Variants in CA10 observed in about 807,000 individuals in gnomAD.
CA10 encodes carbonic anhydrase 10 (inactive).
CA10 carries 14 observed loss-of-function variants against 44.2 expected under a neutral mutation model. The observed-to-expected ratio is 0.32, with a 90% CI of 0.21 to 0.50. The LOEUF (loss-of-function observed/expected upper bound fraction) is 0.50. Ranked by LOEUF, CA10 falls within the 20% of genes least tolerant of loss-of-function variation. The probability of loss-of-function intolerance (pLI) is 0.99; values close to 1 mark genes in which losing one functional copy is unlikely to be tolerated. For synonymous variants in CA10, 159 were observed against 141.6 expected (o/e 1.12, Z -0.87); for missense variants, 350 against 409.7 (o/e 0.85, Z 1.26).
intron 4 of CA10, among the ~76,000 whole-genome samples, chr17:51,681,208 G>A (rs1463636294): frequency 6.6e-6 from 1 of 152,182 alleles, no homozygotes; most frequent in Non-Finnish European, 1.5e-5. Flanking sequence ...TGCAAAATGG[G>A]TATGGTAATA....
At chr17:51,789,268 G>A (rs1355074091) in intron 3 of CA10, among the ~76,000 whole-genome samples, 1 of 151,296 alleles carries the variant, frequency 6.6e-6, no homozygotes, top group Non-Finnish European at 1.5e-5. Context: ...CACCCACGCT[G>A]GCCTCCCACA....
chr17:51,665,047 A>G (rs1031980095), intron 4 of CA10, among the ~76,000 whole-genome samples: 1 of 152,192 alleles, frequency 6.6e-6, no homozygotes, highest in African/African-American at 2.4e-5. Context: ...CAGAAGAGTC[A>G]CTTTAGGTGG....
chr17:51,912,727 A>C (rs994924776), intron 3 of CA10, among the ~76,000 whole-genome samples: 2 of 152,312 alleles, frequency 1.3e-5, no homozygotes, highest in East Asian at 1.9e-4. Context: ...TCAGAGGAAA[A>C]CATTTTCCTG....
At chr17:51,770,396 CA>C (rs1188463481) in intron 3 of CA10, among the ~76,000 whole-genome samples, 1 of 151,864 alleles carries the variant, frequency 6.6e-6, no homozygotes, top group Admixed American at 6.6e-5. Context: ...TAAGGAGACA[CA>C]AACCCTCCCC....
intron 2 of CA10, among the ~76,000 whole-genome samples, chr17:51,948,802 A>G (rs1983377306): frequency 6.6e-6 from 1 of 152,120 alleles, no homozygotes; most frequent in South Asian, 2.1e-4. Flanking sequence ...AATTGACATA[A>G]CTTATTACTT....
At chr17:51,931,598 G>A (rs1404340261) in intron 2 of CA10, among the ~76,000 whole-genome samples, 1 of 152,088 alleles carries the variant, frequency 6.6e-6, no homozygotes, top group Non-Finnish European at 1.5e-5. Flanking sequence ...TTTTCTTTGG[G>A]TTGTCAAGAC....
intron 4 of CA10, among the ~76,000 whole-genome samples, chr17:51,722,545 T>C (rs1465401118): frequency 3.3e-5 from 5 of 152,360 alleles, no homozygotes; most frequent in Middle Eastern, 3.4e-3. Context: ...TAAGTAACTC[T>C]GCTAAACAGT....
intron 2 of CA10, among the ~76,000 whole-genome samples, chr17:51,987,534 A>C (rs947490029): frequency 6.6e-6 from 1 of 152,084 alleles, no homozygotes; most frequent in African/African-American, 2.4e-5. Context: ...AAATAAAAAA[A>C]TTTAAAAAAA....
intron 3 of CA10, among the ~76,000 whole-genome samples, chr17:51,878,163 A>C (rs1042985114): frequency 6.9e-6 from 1 of 145,510 alleles, no homozygotes. Context: ...AAAAAAAAAA[A>C]AAAAGAAAAA....
At chr17:52,133,770 C>A (rs1031279805) in intron 1 of CA10, among the ~76,000 whole-genome samples, 2 of 152,134 alleles carry the variant, frequency 1.3e-5, no homozygotes, top group African/African-American at 2.4e-5. Context: ...GATATTATAG[C>A]CACTCATCAT....
intron 2 of CA10, among the ~76,000 whole-genome samples, chr17:52,027,352 G>A (rs533451895): frequency 1.3e-3 from 204 of 152,074 alleles, no homozygotes; most frequent in Middle Eastern, 6.8e-3. Context: ...GCCTCTGACT[G>A]GTATGGGGGT....
intron 3 of CA10, among the ~76,000 whole-genome samples, chr17:51,855,711 A>C (rs1039130227): frequency 1.3e-5 from 2 of 152,240 alleles, no homozygotes; most frequent in Non-Finnish European, 2.9e-5. Context: ...ATGGAGCTGC[A>C]GAGTTTAATA....
chr17:51,815,833 G>A (rs187152267), intron 3 of CA10, among the ~76,000 whole-genome samples: 2 of 151,966 alleles, frequency 1.3e-5, no homozygotes, highest in African/African-American at 2.4e-5. Flanking sequence ...TGGGATACAC[G>A]AGATGTTTTG....
intron 4 of CA10, among the ~76,000 whole-genome samples, chr17:51,668,715 CCT>C (rs924130423): frequency 2.6e-5 from 4 of 152,178 alleles, no homozygotes; most frequent in Non-Finnish European, 5.9e-5. Flanking sequence ...TGTGGGAGCC[CCT>C]CTCTGGGCTG....
intron 3 of CA10, among the ~76,000 whole-genome samples, chr17:51,850,502 C>A (rs1357796887): frequency 6.6e-6 from 1 of 152,110 alleles, no homozygotes; most frequent in East Asian, 1.9e-4. Flanking sequence ...GGGGTGAGGT[C>A]TCTGTAATAG....
chr17:51,647,832 A>T (rs1240924210), intron 6 of CA10, among the ~76,000 whole-genome samples: 1 of 152,236 alleles, frequency 6.6e-6, no homozygotes, highest in East Asian at 1.9e-4. Flanking sequence ...GTGTGTGCTT[A>T]GAGAGGACTC....
intron 3 of CA10, among the ~76,000 whole-genome samples, chr17:51,830,016 G>T (rs1908173806): frequency 1.3e-5 from 2 of 152,010 alleles, no homozygotes; most frequent in Admixed American, 6.6e-5. Flanking sequence ...GGCCAATATG[G>T]TGAAACCCCA....
At chr17:51,667,193 G>A (rs1283918513) in intron 4 of CA10, among the ~76,000 whole-genome samples, 2 of 152,130 alleles carry the variant, frequency 1.3e-5, no homozygotes, top group African/African-American at 4.8e-5. Flanking sequence ...GCACCACATT[G>A]AAAAAGGAAT....
chr17:51,949,421 T>G (rs1270468181), intron 2 of CA10, among the ~76,000 whole-genome samples: 1 of 152,192 alleles, frequency 6.6e-6, no homozygotes, highest in African/African-American at 2.4e-5. Flanking sequence ...ATTTTAACTC[T>G]GTGCCTCTGC....
Sources: gnomAD v4.1 joint callset for allele counts (sites outside exome capture counted in the v4.1 genomes callset) on GRCh38, gnomAD v4.1.1 for gene constraint, MANE v1.5 for transcripts, NCBI Gene and HGNC (gene_info 2026-07-23, HGNC 2026-07-21) for gene names.